Variants in KCNK17 observed in about 807,000 individuals in gnomAD.
KCNK17 encodes the protein potassium two pore domain channel subfamily K member 17, also known as potassium channel subfamily K member 17.
Under a neutral mutation model 24.6 loss-of-function variants are expected in KCNK17, and 27 were observed. That is an observed-to-expected ratio of 1.10 (90% CI 0.81 to 1.51). KCNK17 has a LOEUF of 1.51. Ranked by LOEUF, KCNK17 falls within the 40% of genes most tolerant of loss-of-function variation. KCNK17 has a pLI of 0.00. For missense variants in KCNK17, 450 were observed against 436.6 expected (o/e 1.03, Z -0.27); for synonymous variants, 181 against 189.8 (o/e 0.95, Z 0.38).
In KCNK17 at chr6:39,303,670, G is replaced by C. The variant is rs79083720; in HGVS notation, c.688+287C>G. Among the ~76,000 whole-genome samples, 1,188 of 152,248 alleles carry C rather than the reference G, an allele frequency of 7.8e-3. 21 individuals are homozygous for C. The highest frequency in any genetic ancestry group is 0.027 in the African/African-American group (1,123 of 41,528). On this transcript the variant is annotated intron_variant, in intron 4 of 4. Transcript: ENST00000373231. Reference sequence around the variant, plus strand: ...GTGAAGTGGGGAAGGGAGACCCTGGGGCAAGCATGGACCCCGGAGGGAGGC... The same window carrying C: ...GTGAAGTGGGGAAGGGAGACCCTGGCGCAAGCATGGACCCCGGAGGGAGGC...
At position 39,303,290 on chromosome 6, in the gene KCNK17, C is replaced by T. The variant is rs116336845; in HGVS notation, c.688+667G>A. On this transcript the variant is annotated intron_variant, in intron 4 of 4. Transcript: ENST00000373231. ...GTGGTGCCAGCGGCACCTTCAGGGA[C>T]AGGAAGGGGCGGTGATGAGGCTGAG... 7.8e-3 allele frequency among the ~76,000 whole-genome samples: 1,186 copies of T among 152,220 alleles called. 20 individuals carry two copies. Among genetic ancestry groups the T allele is most frequent in the African/African-American group, 0.027 (1,121 of 41,526 alleles).
At chr6:39,307,924 CT>C (rs1435047730) in intron 2 of KCNK17, among the ~76,000 whole-genome samples, 3 of 152,222 alleles carry the variant, frequency 2.0e-5, no homozygotes, top group African/African-American at 7.2e-5. Flanking sequence ...ATCTCAGGGC[CT>C]TTGCACTTGC....
chr6:39,311,304 T>C (rs547941064), intron 1 of KCNK17, among the ~76,000 whole-genome samples: 1 of 152,140 alleles, frequency 6.6e-6, no homozygotes, highest in East Asian at 1.9e-4. Flanking sequence ...AACCAGCGAC[T>C]CATTTTCTCC....
At chr6:39,302,670 C>G (rs1249688442) in intron 4 of KCNK17, among the ~76,000 whole-genome samples, 6 of 152,190 alleles carry the variant, frequency 3.9e-5, no homozygotes, top group Non-Finnish European at 8.8e-5. Flanking sequence ...GAATCATACT[C>G]TGAGCTGCGA....
At position 39,299,325 on chromosome 6, in the gene KCNK17, T is replaced by C. The variant is rs761865202; in HGVS notation, c.*102A>G. On this transcript the variant is annotated 3_prime_UTR_variant, in exon 5 of 5. Coordinates refer to ENST00000373231, the MANE Select transcript of KCNK17 (RefSeq NM_031460.4). ...TAATCATATAGCTGCACCCAGCCTC[T>C]AGGGTGGATGGAAAATGTAGTCTTT... 1 of 864,662 alleles carries C rather than the reference T, an allele frequency of 1.2e-6. No individual in the cohort carries two copies. The highest frequency in any genetic ancestry group is 1.8e-6 in the Non-Finnish European group (1 of 557,948). The allele number at this position is 864,662 out of a possible 1,614,324, so 53.6% of individuals were successfully genotyped here. A position where few individuals can be genotyped will look rare whatever the true frequency, so the allele number is the denominator to read the frequency against.
At chr6:39,313,663 G>C (rs1482560885) in intron 1 of KCNK17, among the ~76,000 whole-genome samples, 3 of 152,180 alleles carry the variant, frequency 2.0e-5, no homozygotes, top group African/African-American at 7.2e-5. Context: ...TCTTTGCCAC[G>C]GGTGCGGGTG....
chr6:39,302,581 A>C (rs1761965536), intron 4 of KCNK17, among the ~76,000 whole-genome samples: 1 of 152,186 alleles, frequency 6.6e-6, no homozygotes, highest in Non-Finnish European at 1.5e-5. Context: ...TGCAGTGCCC[A>C]ACCTGTGCAG....
intron 2 of KCNK17, among the ~76,000 whole-genome samples, chr6:39,306,927 G>A (rs1762048535): frequency 6.6e-6 from 1 of 151,982 alleles, no homozygotes; most frequent in Non-Finnish European, 1.5e-5. Flanking sequence ...ACCACACCCA[G>A]CTAATTTTGC....
chr6:39,308,807 T>C (rs1762079889), intron 2 of KCNK17, among the ~76,000 whole-genome samples: 1 of 152,166 alleles, frequency 6.6e-6, no homozygotes, highest in Non-Finnish European at 1.5e-5. Context: ...TCTCAGAATA[T>C]CCCTTCTTCC....
intron 2 of KCNK17, among the ~76,000 whole-genome samples, chr6:39,308,216 C>T (rs926035101): frequency 1.3e-5 from 2 of 152,184 alleles, no homozygotes; most frequent in Non-Finnish European, 2.9e-5. Flanking sequence ...CCATTGTATC[C>T]TCAGCACCAG....
intron 2 of KCNK17, 35 bp downstream of exon 2, chr6:39,310,858 C>G (rs1762120323): frequency 8.6e-7 from 1 of 1,163,560 alleles, no homozygotes; most frequent in South Asian, 1.4e-5. Flanking sequence ...CCTCCTTCCC[C>G]CACCCCCATC....
Position 39,304,015 on chromosome 6 carries a change from C to T in KCNK17, c.630G>A (p.Glu210=). 6.2e-7 allele frequency: 1 copy of T among 1,613,940 alleles called. No homozygotes were observed. Among genetic ancestry groups the T allele is most frequent in the African/African-American group, 1.3e-5 (1 of 75,068 alleles). ...GGGTGATGAAGGCGAAGTAGAAGCC[C>T]TCTGTGTAGCTCCAGCCCTCCATGT... ...FSHMEGWSYT[E]GFYFAFITLS... Residue 210 remains glutamate, a synonymous_variant, in exon 4 of 5, where the codon GAG becomes GAA. Transcript: ENST00000373231.
chr6:39,312,713 GTTA>G (rs1452206832), intron 1 of KCNK17, among the ~76,000 whole-genome samples: 4 of 152,204 alleles, frequency 2.6e-5, no homozygotes, highest in Admixed American at 2.6e-4. Context: ...GGCATTTACT[GTTA>G]TTATAATCAC....
intron 1 of KCNK17, among the ~76,000 whole-genome samples, chr6:39,313,172 A>G (rs568553836): frequency 1.6e-4 from 25 of 152,340 alleles, no homozygotes; most frequent in African/African-American, 6.0e-4. Flanking sequence ...CAAATCGAGC[A>G]GCTGCCAGTC....
At chr6:39,305,935 C>G (rs1762028166) in intron 2 of KCNK17, among the ~76,000 whole-genome samples, 1 of 152,164 alleles carries the variant, frequency 6.6e-6, no homozygotes, top group Non-Finnish European at 1.5e-5. Flanking sequence ...TCATCCAGGG[C>G]CCCCTCCAGC....
chr6:39,308,503 C>T (rs1414078598), intron 2 of KCNK17, among the ~76,000 whole-genome samples: 1 of 152,230 alleles, frequency 6.6e-6, no homozygotes, highest in Non-Finnish European at 1.5e-5. Context: ...GTTGGCCCGG[C>T]TGGTCTCCAA....
At position 39,299,460 on chromosome 6, in the gene KCNK17, A is replaced by G. The variant is rs1003700305; in HGVS notation, c.966T>C (p.Ser322=). 24 of 1,613,944 alleles carry G rather than the reference A, an allele frequency of 1.5e-5. No individual in the cohort carries two copies. Among genetic ancestry groups the G allele is most frequent in the Non-Finnish European group, 1.9e-5 (22 of 1,179,920 alleles). The part of the protein sequence containing the change: ...PMGIIQHLEP[S]AHAAGCGKDS ...CCTTGCCACAGCCTGCAGCGTGAGCAGAAGGTTCCAGATGCTGTATGATTC... is the reference window on the plus strand; with the variant it reads ...CCTTGCCACAGCCTGCAGCGTGAGCGGAAGGTTCCAGATGCTGTATGATTC... The change falls in exon 5 of 5, where the codon TCT becomes TCC. Residue 322 remains serine (S), a synonymous_variant. Transcript: ENST00000373231.
chr6:39,307,992 C>CTCTGCTTCAATGTTACTGTA (rs1762064912), intron 2 of KCNK17, among the ~76,000 whole-genome samples: 1 of 152,228 alleles, frequency 6.6e-6, no homozygotes, highest in Non-Finnish European at 1.5e-5. Context: ...TTACTCATGT[C>CTCTGCTTCAATGTTACTGTA]TCTGCTTCAA....
At position 39,312,143 on chromosome 6, in the gene KCNK17, G is replaced by A. The variant is rs573770195; in HGVS notation, c.238-1136C>T. The stretch of plus-strand genomic sequence containing the variant: ...AGGCCTCTGGCCCTATTTAGTATGG[G>A]CAGTAAAGGAGATGTTGCAGAGGAT... On this transcript the variant is annotated intron_variant, in intron 1 of 4. Coordinates refer to ENST00000373231, the MANE Select transcript of KCNK17 (RefSeq NM_031460.4). Among the ~76,000 whole-genome samples, 20 of 152,292 alleles carry A rather than the reference G, an allele frequency of 1.3e-4. 1 individual carries two copies. The highest frequency in any genetic ancestry group is 6.8e-3 in the Middle Eastern group (2 of 294).
Sources: gnomAD v4.1 joint callset for allele counts (sites outside exome capture counted in the v4.1 genomes callset) on GRCh38, gnomAD v4.1.1 for gene constraint, MANE v1.5 for transcripts, NCBI Gene and HGNC (gene_info 2026-07-23, HGNC 2026-07-21) for gene names.